The following ZNF423 variants were observed in gnomAD, a reference collection of about 807,000 sequenced individuals.
ZNF423 encodes Ebf-associated zinc finger protein.
In ZNF423, 12 loss-of-function variants were observed where a neutral mutation model predicts 95.8. That is an observed-to-expected ratio of 0.13 (90% CI 0.08 to 0.20). ZNF423 has a LOEUF of 0.20. Ranked by LOEUF, ZNF423 falls within the 10% of genes least tolerant of loss-of-function variation. The pLI is 1.00. For missense variants in ZNF423, 1,316 were observed against 1,737.1 expected, an observed-to-expected ratio of 0.76 and a Z score of 4.31; for synonymous variants, 749 against 711.9, an observed-to-expected ratio of 1.05 and a Z score of -0.83.
chr16:49,753,704 G>C (rs1239969587), intron 2 of ZNF423, among the ~76,000 whole-genome samples: 1 of 152,180 alleles, frequency 6.6e-6, no homozygotes, highest in Non-Finnish European at 1.5e-5. Flanking sequence ...CTGGAGAAAG[G>C]ACATTTGAGC....
chr16:49,787,586 A>G (rs1285713854), intron 2 of ZNF423, among the ~76,000 whole-genome samples: 1 of 152,178 alleles, frequency 6.6e-6, no homozygotes, highest in Admixed American at 6.5e-5. Context: ...TGGCTGCCCA[A>G]CTATGGAATT....
intron 1 of ZNF423, chr16:49,853,630 A>G: frequency 3.0e-6 from 3 of 985,244 alleles, no homozygotes; most frequent in Non-Finnish European, 3.6e-6. Context: ...ACCTGCTTGA[A>G]CTGTCTGCTA....
At chr16:49,544,826 G>C (rs1969383994) in intron 5 of ZNF423, among the ~76,000 whole-genome samples, 1 of 152,256 alleles carries the variant, frequency 6.6e-6, no homozygotes, top group Admixed American at 6.5e-5. Flanking sequence ...AACTCCAGGG[G>C]ATCGCATCCT....
chr16:49,728,081 T>C (rs1168487319), intron 3 of ZNF423, among the ~76,000 whole-genome samples: 1 of 152,122 alleles, frequency 6.6e-6, no homozygotes, highest in Admixed American at 6.5e-5. Context: ...CAGGCCCCAG[T>C]ACTCACTTCC....
chr16:49,823,049 G>A (rs1452422447), intron 1 of ZNF423, among the ~76,000 whole-genome samples: 1 of 152,166 alleles, frequency 6.6e-6, no homozygotes, highest in Non-Finnish European at 1.5e-5. Flanking sequence ...GGTGACTAAT[G>A]ACTCTGGGCA....
intron 5 of ZNF423, among the ~76,000 whole-genome samples, chr16:49,625,288 G>C (rs777525786): frequency 5.3e-5 from 8 of 152,206 alleles, no homozygotes; most frequent in African/African-American, 7.2e-5. Context: ...GGGTGGCAGA[G>C]GTTGCAGTGA....
intron 3 of ZNF423, among the ~76,000 whole-genome samples, chr16:49,671,624 C>T (rs185408027): frequency 6.6e-6 from 1 of 152,324 alleles, no homozygotes; most frequent in Non-Finnish European, 1.5e-5. Flanking sequence ...GATGGCTCCA[C>T]CTAATGTCTG....
chr16:49,565,197 C>T (rs1194148368), intron 5 of ZNF423, among the ~76,000 whole-genome samples: 1 of 152,182 alleles, frequency 6.6e-6, no homozygotes, highest in African/African-American at 2.4e-5. Context: ...CCATTTGTAA[C>T]CCTTTTCAGT....
At chr16:49,508,457 C>T (rs1967745528) in intron 7 of ZNF423, among the ~76,000 whole-genome samples, 1 of 141,544 alleles carries the variant, frequency 7.1e-6, no homozygotes, top group East Asian at 2.1e-4. Context: ...GAGTTCAAGG[C>T]TGCAGAGAGC....
At chr16:49,576,007 T>G (rs1970486381) in intron 5 of ZNF423, among the ~76,000 whole-genome samples, 1 of 152,118 alleles carries the variant, frequency 6.6e-6, no homozygotes, top group African/African-American at 2.4e-5. Flanking sequence ...TCACCCCAGA[T>G]AGTGCTCCTG....
intron 3 of ZNF423, among the ~76,000 whole-genome samples, chr16:49,728,215 G>A (rs1015110111): frequency 1.1e-4 from 16 of 152,108 alleles, no homozygotes; most frequent in Non-Finnish European, 1.9e-4. Flanking sequence ...TAATACATAC[G>A]CAATTCCCGG....
At chr16:49,607,361 T>C (rs1306890439) in intron 5 of ZNF423, among the ~76,000 whole-genome samples, 1 of 152,172 alleles carries the variant, frequency 6.6e-6, no homozygotes, top group Non-Finnish European at 1.5e-5. Flanking sequence ...AACTTCAGCA[T>C]CTTTTAAGGA....
At chr16:49,498,898 A>G (rs1397982974) in intron 7 of ZNF423, among the ~76,000 whole-genome samples, 1 of 152,230 alleles carries the variant, frequency 6.6e-6, no homozygotes, top group Non-Finnish European at 1.5e-5. Flanking sequence ...AACGGTAAGC[A>G]TACTCGAGAG....
chr16:49,630,609 T>G (rs558866364), intron 4 of ZNF423, among the ~76,000 whole-genome samples: 1 of 152,040 alleles, frequency 6.6e-6, no homozygotes, highest in Admixed American at 6.5e-5. Context: ...GGCGATTTGC[T>G]TGGGTGCAAG....
chr16:49,814,869 G>A (rs1287853870), intron 1 of ZNF423, among the ~76,000 whole-genome samples: 1 of 152,104 alleles, frequency 6.6e-6, no homozygotes, highest in East Asian at 1.9e-4. Context: ...GAGTGTGGAT[G>A]GCCAGCAAGA....
intron 1 of ZNF423, among the ~76,000 whole-genome samples, chr16:49,845,035 CAAAAAAA>C (rs71138011): frequency 6.1e-3 from 386 of 63,482 alleles, no homozygotes; most frequent in Admixed American, 8.2e-3. Context: ...AACTCCATCT[CAAAAAAA>C]AAAAAAAAAA....
rs950658518 is a variant in ZNF423, at chr16:49,804,115, A to G, written c.41-14569T>C. Among the ~76,000 whole-genome samples, 13 of 152,034 alleles carry G rather than the reference A, an allele frequency of 8.6e-5. No individual in the cohort carries two copies. In the East Asian group the frequency reaches 2.1e-3, roughly 25 times the overall value. On this transcript the variant is annotated intron_variant, in intron 1 of 7. Transcript: ENST00000563137. ...TACGCCCAGCTAATTTTGTATTTTT[A>G]GTAGAGATGGGGTTTCACCATGTTG...
chr16:49,833,409 G>GCAA (rs1171319961), intron 1 of ZNF423, among the ~76,000 whole-genome samples: 1 of 152,194 alleles, frequency 6.6e-6, no homozygotes, highest in East Asian at 1.9e-4. Flanking sequence ...CAATCACTAT[G>GCAA]CAAATGAAAC....
intron 3 of ZNF423, among the ~76,000 whole-genome samples, chr16:49,697,289 A>G (rs1268460247): frequency 6.6e-6 from 1 of 152,162 alleles, no homozygotes; most frequent in Non-Finnish European, 1.5e-5. Flanking sequence ...CTGGGAGCAG[A>G]GCAGCTCCCA....
Sources: gnomAD v4.1 joint callset for allele counts (sites outside exome capture counted in the v4.1 genomes callset) on GRCh38, gnomAD v4.1.1 for gene constraint, MANE v1.5 for transcripts, NCBI Gene and HGNC (gene_info 2026-07-23, HGNC 2026-07-21) for gene names.